The following ADAMTS13 variants were observed in gnomAD, a reference collection of about 807,000 sequenced individuals.
The protein encoded by ADAMTS13 is ADAM metallopeptidase with thrombospondin type 1 motif 13.
ADAMTS13 carries 110 observed loss-of-function variants against 155.1 expected under a neutral mutation model. The observed-to-expected ratio is 0.71, with a 90% CI of 0.61 to 0.83. The LOEUF (loss-of-function observed/expected upper bound fraction) is 0.83, where lower values mean the gene tolerates loss of function less well. ADAMTS13 is among the 40% of genes least tolerant of loss of function. ADAMTS13 has a pLI of 0.00. For synonymous variants in ADAMTS13, 758 were observed against 756.4 expected (o/e 1.00, Z -0.03); for missense variants, 1,707 against 1,891.7 (o/e 0.90, Z 1.81).
In ADAMTS13 at chr9:133,440,384, G is replaced by A; in HGVS notation, c.1827G>A (p.Met609Ile). The A allele has an allele frequency of 6.2e-7, 1 of 1,613,980 alleles. No individual in the cohort carries two copies. The highest frequency in any genetic ancestry group is 1.7e-5 in the Admixed American group (1 of 60,034). Residue 609 changes from methionine (M) to isoleucine (I), a missense_variant, in exon 16 of 29, where the codon ATG becomes ATA. Transcript: ENST00000355699. This position sits in a 1 kb window ranked among gnomAD's most constrained non-coding sequence, Gnocchi z 4.3. ...GGCGCTATGTCGTGGCTGGGAAGATGAGCATCTCCCCTAACACCACCTACC... is the reference window on the plus strand; with the variant it reads ...GGCGCTATGTCGTGGCTGGGAAGATAAGCATCTCCCCTAACACCACCTACC... ...IGGRYVVAGK[M>I]SISPNTTYPS... is the part of the protein sequence containing the mutation.
In ADAMTS13 at chr9:133,430,087, G is replaced by A. The variant is rs587667471; in HGVS notation, c.973G>A (p.Ala325Thr). The change falls in exon 8 of 29, where the codon GCC (alanine) becomes ACC (threonine). Residue 325 changes from alanine (A) to threonine (T), a missense_variant. By Grantham distance (58) the Ala-to-Thr change is moderately conservative. Around this residue, in one of 3 missense-constraint regions of ADAMTS13, gnomAD observed 733 missense variants for 749.6 expected, o/e 0.98. Transcript: ENST00000355699. ...FGPKAVACTF[A>T]REHLDMCQAL... ...CCCCAAGGCTGTCGCCTGCACCTTC[G>A]CCAGGGAGCACCTGGTGAGTCTGCC... is the stretch of plus-strand genomic sequence containing the variant. 8 of 1,589,908 alleles carry A rather than the reference G, an allele frequency of 5.0e-6. No individual in the cohort carries two copies. Among genetic ancestry groups the A allele is most frequent in the Non-Finnish European group, 6.0e-6 (7 of 1,173,844 alleles).
At chr9:133,458,767 G>A (rs1342011040) in intron 28 of ADAMTS13, among the ~76,000 whole-genome samples, 2 of 152,144 alleles carry the variant, frequency 1.3e-5, no homozygotes, top group African/African-American at 2.4e-5. Context: ...GCCTGGCCCC[G>A]CTCTGGCACC....
Position 133,428,772 on chromosome 9 carries a change from G to A in ADAMTS13, c.824+1G>A. ...GCCGGCAGCTGCTGAGCCTGCTCAG[G>A]TAGCGGCCGCCCCGTGGGAGGGGCG... is the stretch of plus-strand genomic sequence containing the variant. On this transcript the variant is annotated splice_donor_variant, in intron 7 of 28. Coordinates refer to ENST00000355699, the MANE Select transcript of ADAMTS13 (RefSeq NM_139027.6). LOFTEE classifies it high-confidence loss of function. 1 of 1,332,996 alleles carries A rather than the reference G, an allele frequency of 7.5e-7. No individual in the cohort carries two copies. The highest frequency in any genetic ancestry group is 9.6e-7 in the Non-Finnish European group (1 of 1,039,946). The allele number at this position is 1,332,996 out of a possible 1,614,324, so 82.6% of individuals were successfully genotyped here.
Position 133,448,692 on chromosome 9 carries a change from G to A in ADAMTS13, c.2825G>A (p.Arg942Gln), listed in dbSNP as rs919324867. The A allele has an allele frequency of 1.1e-5, 18 of 1,604,734 alleles. No individual in the cohort carries two copies. The highest frequency in any genetic ancestry group is 8.0e-5 in the African/African-American group (6 of 74,902). ...GGCCTGGCAAGCAAGCCTGGGAGCC[G>A]GCGGGAGGTCTGCCAGGCTGTCCCG... ...LCGLASKPGS[R>Q]REVCQAVPCP... Residue 942 changes from arginine (R) to glutamine (Q), a missense_variant, in exon 22 of 29, where the codon CGG becomes CAG. This residue lies in a region of ADAMTS13 where 961 missense variants were observed against 1,107.9 expected (regional missense o/e 0.87). Transcript: ENST00000355699.
intron 8 of ADAMTS13, 64 bp downstream of exon 8, chr9:133,430,165 C>A: frequency 6.5e-7 from 1 of 1,536,396 alleles, no homozygotes. Flanking sequence ...CAGCTCACGT[C>A]CCCCAAAACG....
At chr9:133,423,231 C>T in intron 2 of ADAMTS13, 64 bp downstream of exon 2, 2 of 1,486,684 alleles carry the variant, frequency 1.3e-6, no homozygotes, top group Non-Finnish European at 1.9e-6. Context: ...GGTATCTCAC[C>T]ACTGAGTCAG....
At chr9:133,429,167 A>AC (rs1457548395) in intron 7 of ADAMTS13, among the ~76,000 whole-genome samples, 39 of 4,028 alleles carry the variant, frequency 9.7e-3, no homozygotes, top group Non-Finnish European at 0.013. Flanking sequence ...CAACCCCTGC[A>AC]CCCACCCCCC....
intron 2 of ADAMTS13, among the ~76,000 whole-genome samples, chr9:133,423,469 C>G (rs138352350): frequency 6.6e-6 from 1 of 152,342 alleles, no homozygotes; most frequent in African/African-American, 2.4e-5. Context: ...TTTTCAGGAG[C>G]TCTTGTGGTT....
rs1181827671 is a variant in ADAMTS13 at position 133,439,949 on chromosome 9, CT to C, written c.1787-393del. ...CCAGCCCCTGCCCTAAAGGAGGACACTTCTGCCTGGTGTGACCCGTGTTTCC... is the reference window on the plus strand; with the variant it reads ...CCAGCCCCTGCCCTAAAGGAGGACACTCTGCCTGGTGTGACCCGTGTTTCC... On this transcript the variant is annotated intron_variant, in intron 15 of 28. Coordinates refer to ENST00000355699, the MANE Select transcript of ADAMTS13 (RefSeq NM_139027.6). Among the ~76,000 whole-genome samples, 3 of 152,268 alleles carry C rather than the reference CT, an allele frequency of 2.0e-5. No homozygotes were observed. The East Asian group carries it at 5.8e-4, about 29-fold the overall frequency.
In ADAMTS13 at chr9:133,459,005, C is replaced by T. The variant is rs782145338; in HGVS notation, c.3941C>T (p.Ala1314Val). ...GACACCCACAGCTTGAGGACCACAG[C>T]GTTCCATGGGCAGCAGGTGCTCTAC... ...IRDTHSLRTT[A>V]FHGQQVLYWE... is the part of the protein sequence containing the mutation. Residue 1314 changes from alanine (A) to valine (V), a missense_variant, in exon 29 of 29, where the codon GCG becomes GTG. Ala to Val is a moderately conservative substitution (Grantham distance 64). This residue lies in a region of ADAMTS13 where 961 missense variants were observed against 1,107.9 expected (regional missense o/e 0.87). Transcript: ENST00000355699. The T allele has an allele frequency of 3.7e-6, 6 of 1,613,226 alleles. No homozygotes were observed. Among genetic ancestry groups the T allele is most frequent in the Non-Finnish European group, 5.1e-6 (6 of 1,179,974 alleles).
chr9:133,438,013 G>C, intron 13 of ADAMTS13, 116 bp downstream of exon 13: 1 of 1,562,780 alleles, frequency 6.4e-7, no homozygotes, highest in Non-Finnish European at 8.7e-7. Flanking sequence ...CTCTGCAGGG[G>C]AGTGGTGCTG....
Position 133,456,058 on chromosome 9 carries a change from T to C in ADAMTS13, c.3401-11T>C. The C allele has an allele frequency of 6.2e-7, 1 of 1,613,150 alleles. No individual in the cohort carries two copies. The highest frequency in any genetic ancestry group is 8.5e-7 in the Non-Finnish European group (1 of 1,180,020). On this transcript the variant is annotated splice_polypyrimidine_tract_variant and intron_variant, in intron 25 of 28. Transcript: ENST00000355699. This position sits in a 1 kb window ranked among gnomAD's most constrained non-coding sequence, Gnocchi z 4.4. ...GAAGCACTGCTTACCTGTCTCCTGC[T>C]CCCTTTTCAGGTGCCTGTGGCAGGC... is the stretch of plus-strand genomic sequence containing the variant.
rs369965233 is a variant in ADAMTS13, at chr9:133,445,833, G to A, written c.2731+14G>A. 1 of 1,565,194 alleles carries A rather than the reference G, an allele frequency of 6.4e-7. No individual in the cohort carries two copies. ...CCTGCGGGCGAGGTGAGGGCCCCCG[G>A]GATGCTCCTGGGGACCAGCACTCAT... On this transcript the variant is annotated intron_variant, in intron 21 of 28. Coordinates refer to ENST00000355699, the MANE Select transcript of ADAMTS13 (RefSeq NM_139027.6). The surrounding 1 kb of genome is among the most constrained non-coding windows in gnomAD (Gnocchi z 5.0).
At chr9:133,438,391 GGCTGGGCTTCCCCCA>G (rs1841410953) in intron 14 of ADAMTS13, 25 bp downstream of exon 14, 1 of 1,612,400 alleles carries the variant, frequency 6.2e-7, no homozygotes, top group African/African-American at 1.3e-5. Context: ...TCGGGGCAGA[GGCTGGGCTTCCCCCA>G]GCCTCCAAGA....
chr9:133,442,775 G>T (rs913718699), intron 18 of ADAMTS13, 32 bp downstream of exon 18: 4 of 1,603,048 alleles, frequency 2.5e-6, no homozygotes, highest in Admixed American at 1.7e-5. Flanking sequence ...CAGCTCCAAG[G>T]GGGAGAGAGG....
chr9:133,422,834 C>T (rs949200156), intron 1 of ADAMTS13, among the ~76,000 whole-genome samples: 1 of 151,772 alleles, frequency 6.6e-6, no homozygotes, highest in Non-Finnish European at 1.5e-5. Context: ...CTCCCTGTCT[C>T]TGATTTCCCC....
At position 133,424,664 on chromosome 9, in the gene ADAMTS13, C is replaced by T. The variant is rs1212437544; in HGVS notation, c.330+186C>T. Among the ~76,000 whole-genome samples the T allele has an allele frequency of 6.6e-6, 1 of 152,148 alleles. No individual in the cohort carries two copies. On this transcript the variant is annotated intron_variant, in intron 3 of 28. Coordinates refer to ENST00000355699, the MANE Select transcript of ADAMTS13 (RefSeq NM_139027.6). The surrounding 1 kb of genome is among the most constrained non-coding windows in gnomAD (Gnocchi z 4.3). Reference sequence around the variant, plus strand: ...TGAGGTCCCACACCCTCTCTAGGCTCCATGGCACATGCACACCCTGCAGCC... The same window carrying T: ...TGAGGTCCCACACCCTCTCTAGGCTTCATGGCACATGCACACCCTGCAGCC...
chr9:133,446,544 G>C (rs983376005), intron 21 of ADAMTS13, among the ~76,000 whole-genome samples: 1 of 152,226 alleles, frequency 6.6e-6, no homozygotes, highest in African/African-American at 2.4e-5. Context: ...TCCATTGTGA[G>C]TGTATCCTTT....
chr9:133,436,714 G>A (rs1841251156), intron 11 of ADAMTS13, 115 bp from the exon 12 acceptor site: 3 of 1,113,796 alleles, frequency 2.7e-6, no homozygotes, highest in African/African-American at 3.1e-5. Flanking sequence ...ACGGCCTGGA[G>A]CTGAGGCCAC....
Sources: allele counts gnomAD v4.1 joint callset (sites outside exome capture counted in the v4.1 genomes callset), GRCh38; gene constraint gnomAD v4.1.1; regional missense constraint gnomAD v4.1.1; non-coding constraint Gnocchi (gnomAD v3.1); transcripts MANE v1.5; gene names NCBI Gene and HGNC (gene_info 2026-07-23, HGNC 2026-07-21).